Variants in DPH6 observed in about 807,000 individuals in gnomAD.
The protein encoded by DPH6 is diphthine--ammonia ligase.
In DPH6, 33 loss-of-function variants were observed where a neutral mutation model predicts 38.2. That is an observed-to-expected ratio of 0.86 (90% confidence interval 0.65 to 1.15). The LOEUF (loss-of-function observed/expected upper bound fraction) is 1.15. Ranked by LOEUF, DPH6 falls within the 50% of genes most tolerant of loss-of-function variation. The pLI, the probability that DPH6 is intolerant of heterozygous loss-of-function variation, is 0.00. For missense variants in DPH6, 325 were observed against 320.0 expected, an observed-to-expected ratio of 1.02 and a Z score of -0.12; for synonymous variants, 108 against 103.0, an observed-to-expected ratio of 1.05 and a Z score of -0.30.
intron 3 of DPH6, among the ~76,000 whole-genome samples, chr15:35,302,081 A>T (rs551491614): frequency 2.0e-5 from 3 of 152,296 alleles, no homozygotes; most frequent in African/African-American, 7.2e-5. Flanking sequence ...TATGCATACA[A>T]AGGAAATATT....
At chr15:35,318,059 T>C (rs1027495041) in intron 3 of DPH6, among the ~76,000 whole-genome samples, 6 of 151,888 alleles carry the variant, frequency 4.0e-5, no homozygotes, top group African/African-American at 1.4e-4. Flanking sequence ...CACAAATATA[T>C]CAGTAAGTAT....
chr15:35,251,742 C>A (rs920593889), intron 3 of DPH6, among the ~76,000 whole-genome samples: 1 of 152,212 alleles, frequency 6.6e-6, no homozygotes, highest in African/African-American at 2.4e-5. Context: ...TAATGCCTTG[C>A]GTACAGTTTA....
At chr15:35,194,752 A>C in the DPH6 span, among the ~76,000 whole-genome samples, 1 of 152,170 alleles carries the variant, frequency 6.6e-6, no homozygotes, top group African/African-American at 2.4e-5. Context: ...ATATTATCTC[A>C]TTTAAATCTC....
chr15:35,210,876 G>C, the DPH6 span, among the ~76,000 whole-genome samples: 2 of 143,980 alleles, frequency 1.4e-5, no homozygotes, highest in African/African-American at 5.1e-5. Flanking sequence ...AGTTGAAAAT[G>C]AATTTGCATC....
At chr15:35,308,687 AT>A (rs2052114526) in intron 3 of DPH6, among the ~76,000 whole-genome samples, 1 of 152,190 alleles carries the variant, frequency 6.6e-6, no homozygotes, top group African/African-American at 2.4e-5. Flanking sequence ...GATAGTTTGT[AT>A]TTTAAGGAGA....
chr15:35,516,553 A>G (rs992565968), intron 3 of DPH6, among the ~76,000 whole-genome samples: 1 of 152,198 alleles, frequency 6.6e-6, no homozygotes, highest in Non-Finnish European at 1.5e-5. Flanking sequence ...GTCAAACCCT[A>G]GAGTCCCCAC....
intron 5 of DPH6, among the ~76,000 whole-genome samples, chr15:35,446,663 T>C (rs1201760281): frequency 6.6e-6 from 1 of 152,180 alleles, no homozygotes; most frequent in Non-Finnish European, 1.5e-5. Flanking sequence ...CAGCAGGCTA[T>C]TAGTAGTTAA....
intron 3 of DPH6, among the ~76,000 whole-genome samples, chr15:35,475,003 A>T (rs536667239): frequency 6.6e-6 from 1 of 152,070 alleles, no homozygotes; most frequent in Non-Finnish European, 1.5e-5. Context: ...AAAAAAGCTT[A>T]AACAACTACC....
intron 3 of DPH6, among the ~76,000 whole-genome samples, chr15:35,499,220 C>T (rs753960099): frequency 2.6e-5 from 4 of 152,130 alleles, no homozygotes; most frequent in Non-Finnish European, 4.4e-5. Context: ...CTTCCCTTTG[C>T]TCTTGACAAA....
intron 3 of DPH6, among the ~76,000 whole-genome samples, chr15:35,346,301 T>C (rs1279965661): frequency 2.0e-5 from 3 of 152,030 alleles, no homozygotes; most frequent in Admixed American, 6.6e-5. Context: ...CTCTTGGAAG[T>C]GTGTGAAGGT....
At chr15:35,502,335 G>T (rs2054637897) in intron 3 of DPH6, among the ~76,000 whole-genome samples, 1 of 151,658 alleles carries the variant, frequency 6.6e-6, no homozygotes, top group Non-Finnish European at 1.5e-5. Flanking sequence ...AAAGAAAAAA[G>T]AAAGAAAGAA....
chr15:35,398,473 GT>G (rs1233766338), intron 6 of DPH6, among the ~76,000 whole-genome samples: 1 of 152,194 alleles, frequency 6.6e-6, no homozygotes, highest in Non-Finnish European at 1.5e-5. Context: ...AACGGACAGG[GT>G]TCAGAGAGCT....
At chr15:35,471,302 A>T (rs1421524431) in intron 3 of DPH6, among the ~76,000 whole-genome samples, 4 of 152,168 alleles carry the variant, frequency 2.6e-5, no homozygotes, top group African/African-American at 9.7e-5. Flanking sequence ...TGCCAGAGAG[A>T]TGTTGGAACT....
At chr15:35,483,890 G>T (rs952331778) in intron 3 of DPH6, among the ~76,000 whole-genome samples, 2 of 152,148 alleles carry the variant, frequency 1.3e-5, no homozygotes, top group African/African-American at 4.8e-5. Context: ...CAACGTGAAT[G>T]AACCTCAAAA....
chr15:35,332,001 G>A (rs1232885456), intron 3 of DPH6, among the ~76,000 whole-genome samples: 1 of 152,168 alleles, frequency 6.6e-6, no homozygotes, highest in Non-Finnish European at 1.5e-5. Context: ...CACTGTAGCT[G>A]CAGCCATAGA....
At chr15:35,531,944 C>T (rs2055093970) in intron 3 of DPH6, among the ~76,000 whole-genome samples, 1 of 152,088 alleles carries the variant, frequency 6.6e-6, no homozygotes, top group South Asian at 2.1e-4. Context: ...AAAAACAAGC[C>T]TAATGATGCA....
chr15:35,435,650 GTCC>G (rs1337987539), intron 5 of DPH6, among the ~76,000 whole-genome samples: 6 of 152,090 alleles, frequency 3.9e-5, no homozygotes, highest in African/African-American at 1.4e-4. Flanking sequence ...TAATAAATCT[GTCC>G]TCCTCACCCT....
At chr15:35,487,457 G>A (rs1023027189) in intron 3 of DPH6, among the ~76,000 whole-genome samples, 2 of 152,234 alleles carry the variant, frequency 1.3e-5, no homozygotes, top group African/African-American at 4.8e-5. Context: ...CCAACACCAT[G>A]TGGAAGCCAC....
intron 3 of DPH6, among the ~76,000 whole-genome samples, chr15:35,281,612 C>T (rs1463258509): frequency 6.6e-6 from 1 of 152,152 alleles, no homozygotes; most frequent in Non-Finnish European, 1.5e-5. Flanking sequence ...CCATCCAAAA[C>T]ATTGGTCTAC....
Sources: allele counts gnomAD v4.1 joint callset (sites outside exome capture counted in the v4.1 genomes callset), GRCh38; gene constraint gnomAD v4.1.1; transcripts MANE v1.5; gene names NCBI Gene and HGNC (gene_info 2026-07-23, HGNC 2026-07-21).